The following CFAP418 variants were observed in gnomAD, a reference collection of about 807,000 sequenced individuals.
CFAP418 encodes cilia and flagella associated protein 418.
Under a neutral mutation model 24.7 loss-of-function variants are expected in CFAP418, and 27 were observed. The ratio of observed to expected loss-of-function variants is 1.09; its 90% CI spans 0.81 to 1.51. The LOEUF is 1.51. Among genes scored for constraint, CFAP418 ranks in the 40% most tolerant of loss-of-function variants. The pLI is 0.00. For synonymous variants in CFAP418, 74 were observed against 87.3 expected, an observed-to-expected ratio of 0.85 and a Z score of 0.85; for missense variants, 257 against 255.2, an observed-to-expected ratio of 1.01 and a Z score of -0.05.
In CFAP418 at chr8:95,253,875, TA is replaced by T. The variant is rs543432527; in HGVS notation, c.375-1593del. On this transcript the variant is annotated intron_variant, in intron 4 of 5. Transcript: ENST00000286688. ...CAGAGTGTTAACTTTAATGCCTTAATACATATGTGCAATTTGGCTGAATTAT... is the reference window on the plus strand; with the variant it reads ...CAGAGTGTTAACTTTAATGCCTTAATCATATGTGCAATTTGGCTGAATTAT... Among the ~76,000 whole-genome samples the T allele has an allele frequency of 1.6e-4, 24 of 152,374 alleles. No individual in the cohort carries two copies. The East Asian group carries it at 4.6e-3, about 29-fold the overall frequency.
At chr8:95,248,427 C>T (rs1811659380) in intron 5 of CFAP418, among the ~76,000 whole-genome samples, 1 of 152,050 alleles carries the variant, frequency 6.6e-6, no homozygotes. Context: ...TTTTAAAAGC[C>T]TGTAATATGG....
In CFAP418 at chr8:95,246,744, C is replaced by T. The variant is rs1175567241; in HGVS notation, c.*873G>A. 2 of 152,164 alleles carry T rather than the reference C, an allele frequency of 1.3e-5. No individual in the cohort carries two copies. The highest frequency in any genetic ancestry group is 2.1e-4 in the South Asian group (1 of 4,822). 9.4% of individuals were successfully genotyped at this position (152,164 alleles called of 1,614,324 possible). ...CTTTACTTGTCTTTTCACTTACTCACCTAATAAACGATATGTCAACCTGAT... is the reference window on the plus strand; with the variant it reads ...CTTTACTTGTCTTTTCACTTACTCATCTAATAAACGATATGTCAACCTGAT... On this transcript the variant is annotated 3_prime_UTR_variant, in exon 6 of 6. Coordinates refer to ENST00000286688, the MANE Select transcript of CFAP418 (RefSeq NM_177965.4).
intron 5 of CFAP418, among the ~76,000 whole-genome samples, chr8:95,251,414 T>C (rs150953908): frequency 2.4e-4 from 37 of 152,342 alleles, no homozygotes; most frequent in African/African-American, 8.7e-4. Context: ...TACTCTGATG[T>C]AGCTAAAATC....
chr8:95,246,727 G>A lies in CFAP418; in HGVS notation c.*890C>T, dbSNP rs1811627448. 1 of 152,118 alleles carries A rather than the reference G, an allele frequency of 6.6e-6. No individual in the cohort carries two copies. The highest frequency in any genetic ancestry group is 2.4e-5 in the African/African-American group (1 of 41,412). 9.4% of individuals were successfully genotyped at this position (152,118 alleles called of 1,614,324 possible). A position where few individuals can be genotyped will look rare whatever the true frequency, so the allele number is the denominator to read the frequency against. Reference sequence around the variant, plus strand: ...CTGTTGGTTCAGTTATGCTTTACTTGTCTTTTCACTTACTCACCTAATAAA... The same window carrying A: ...CTGTTGGTTCAGTTATGCTTTACTTATCTTTTCACTTACTCACCTAATAAA... On this transcript the variant is annotated 3_prime_UTR_variant, in exon 6 of 6. Transcript: ENST00000286688.
At chr8:95,260,943 A>C (rs1006489224) in intron 2 of CFAP418, among the ~76,000 whole-genome samples, 11 of 152,348 alleles carry the variant, frequency 7.2e-5, no homozygotes, top group Non-Finnish European at 1.3e-4. Flanking sequence ...AATGTGCGTC[A>C]TATGAATTAA....
intron 1 of CFAP418, among the ~76,000 whole-genome samples, chr8:95,264,974 C>G (rs1395060071): frequency 6.6e-6 from 1 of 152,178 alleles, no homozygotes; most frequent in Non-Finnish European, 1.5e-5. Flanking sequence ...AAGCTGCCAC[C>G]CTTTCTTACT....
chr8:95,265,620 C>A (rs1394119102), intron 1 of CFAP418, among the ~76,000 whole-genome samples: 3 of 152,164 alleles, frequency 2.0e-5, no homozygotes, highest in African/African-American at 7.2e-5. Context: ...GACATACTTT[C>A]CGGGTTCTCC....
Position 95,265,392 on chromosome 8 carries a change from A to G in CFAP418, c.156-1618T>C, listed in dbSNP as rs1242152086. ...CTATTTAAAATTTCTTTCAGGTATA[A>G]TATTCTACTTCTGGCCTCTAATCCC... is the stretch of plus-strand genomic sequence containing the variant. On this transcript the variant is annotated intron_variant, in intron 1 of 5. Transcript: ENST00000286688. 2.6e-5 allele frequency among the ~76,000 whole-genome samples: 4 copies of G among 152,166 alleles called. No homozygotes were observed. The East Asian group carries it at 7.7e-4, about 29-fold the overall frequency.
At chr8:95,265,281 A>G (rs1209050204) in intron 1 of CFAP418, among the ~76,000 whole-genome samples, 1 of 152,166 alleles carries the variant, frequency 6.6e-6, no homozygotes, top group Non-Finnish European at 1.5e-5. Flanking sequence ...CAAAATCATC[A>G]CCAGTCTAGA....
rs1050744325 is a variant in CFAP418, at chr8:95,260,512, T to C, written c.264A>G (p.Ser88=). 6.3e-7 allele frequency: 1 copy of C among 1,584,304 alleles called. No homozygotes were observed. Among genetic ancestry groups the C allele is most frequent in the Non-Finnish European group, 8.5e-7 (1 of 1,170,628 alleles). ...KKPSKLKSKS[S]GNTSVRASIE... Reference sequence around the variant, plus strand: ...TGGAAGCTCTGACAGATGTGTTACCTGAAGATTTAGATTTTAATTTCTGTT... The same window carrying C: ...TGGAAGCTCTGACAGATGTGTTACCCGAAGATTTAGATTTTAATTTCTGTT... Residue 88 remains serine (S), a synonymous_variant, in exon 3 of 6, where the codon TCA becomes TCG. Coordinates refer to ENST00000286688, the MANE Select transcript of CFAP418 (RefSeq NM_177965.4).
chr8:95,263,878 A>G (rs1435067768), intron 1 of CFAP418, 104 bp from the exon 2 acceptor site: 15 of 640,626 alleles, frequency 2.3e-5, no homozygotes, highest in Non-Finnish European at 4.1e-5. Context: ...AGCTGATAAT[A>G]GAAAGATAAA....
intron 1 of CFAP418, 111 bp from the exon 2 acceptor site, chr8:95,263,885 TA>T (rs565660329): frequency 1.2e-4 from 73 of 619,344 alleles, no homozygotes; most frequent in Non-Finnish European, 1.8e-4. Context: ...AATAGAAAGA[TA>T]AAAGTGATTT....
At chr8:95,250,324 T>G (rs1305131522) in intron 5 of CFAP418, among the ~76,000 whole-genome samples, 1 of 152,234 alleles carries the variant, frequency 6.6e-6, no homozygotes, top group Admixed American at 6.5e-5. Context: ...TAATAAATCC[T>G]CTAGTTGTCA....
chr8:95,259,481 T>C (rs1811849731), intron 4 of CFAP418, among the ~76,000 whole-genome samples: 1 of 152,200 alleles, frequency 6.6e-6, no homozygotes, highest in Admixed American at 6.5e-5. Context: ...TAGCTTTGCA[T>C]GCTAATTGGC....
Position 95,252,193 on chromosome 8 carries a change from A to G in CFAP418, c.465T>C (p.Phe155=). The G allele has an allele frequency of 6.2e-7, 1 of 1,610,578 alleles. No individual in the cohort carries two copies. Among genetic ancestry groups the G allele is most frequent in the Non-Finnish European group, 8.5e-7 (1 of 1,178,014 alleles). ...YMWDKSCDYL[F]FRNNMPEFHK... The stretch of plus-strand genomic sequence containing the variant: ...GAAGTTCTTTAGCAACATACCTGAA[A>G]AACAGATAATCACACGATTTGTCCC... Residue 155 remains phenylalanine, a synonymous_variant, in exon 5 of 6, where the codon TTT becomes TTC. Transcript: ENST00000286688.
intron 5 of CFAP418, among the ~76,000 whole-genome samples, chr8:95,251,023 T>C (rs148816735): frequency 9.0e-4 from 137 of 152,380 alleles, no homozygotes; most frequent in African/African-American, 3.1e-3. Flanking sequence ...TAAATTTTTA[T>C]TTGAAAATGT....
At position 95,245,027 on chromosome 8, in the gene CFAP418, A is replaced by C. The variant is rs1811593590; in HGVS notation, c.*2590T>G. 6.6e-6 allele frequency: 1 copy of C among 152,204 alleles called. No individual in the cohort carries two copies. Among genetic ancestry groups the C allele is most frequent in the Non-Finnish European group, 1.5e-5 (1 of 68,032 alleles). 9.4% of individuals were successfully genotyped at this position (152,204 alleles called of 1,614,324 possible). A position where few individuals can be genotyped will look rare whatever the true frequency, so the allele number is the denominator to read the frequency against. On this transcript the variant is annotated 3_prime_UTR_variant, in exon 6 of 6. Coordinates refer to ENST00000286688, the MANE Select transcript of CFAP418 (RefSeq NM_177965.4). ...GGATGAGGGTCTGAGAGTATAATAC[A>C]GTTCAAATAAAGAAGTTACCTGGCT... is the stretch of plus-strand genomic sequence containing the variant.
In CFAP418 at chr8:95,247,546, G is replaced by A. The variant is rs1811641011; in HGVS notation, c.*71C>T. On this transcript the variant is annotated 3_prime_UTR_variant, in exon 6 of 6. Transcript: ENST00000286688. Reference sequence around the variant, plus strand: ...GGGAATGGTATTGCTAGGGACTATTGTCTAAACATGATGATGATTCATGGA... The same window carrying A: ...GGGAATGGTATTGCTAGGGACTATTATCTAAACATGATGATGATTCATGGA... 1 of 1,569,424 alleles carries A rather than the reference G, an allele frequency of 6.4e-7. No homozygotes were observed. The highest frequency in any genetic ancestry group is 1.3e-5 in the African/African-American group (1 of 74,176).
chr8:95,247,825 T>TAA, intron 5 of CFAP418, 55 bp from the exon 6 acceptor site: 2 of 1,272,160 alleles, frequency 1.6e-6, no homozygotes, highest in Non-Finnish European at 2.1e-6. Context: ...TGCTTAATGA[T>TAA]TAAAAAAAAA....
Sources: allele counts gnomAD v4.1 joint callset (sites outside exome capture counted in the v4.1 genomes callset), GRCh38; gene constraint gnomAD v4.1.1; transcripts MANE v1.5; gene names NCBI Gene and HGNC (gene_info 2026-07-23, HGNC 2026-07-21).